CHN1: variants seen among roughly 807,000 people sequenced by gnomAD.
CHN1 encodes N-chimaerin.
CHN1 carries 37 observed loss-of-function variants against 59.5 expected under a neutral mutation model. That is an observed-to-expected ratio of 0.62 (90% CI 0.48 to 0.82). CHN1 has a LOEUF of 0.82. Ranked by LOEUF, CHN1 falls within the 40% of genes least tolerant of loss-of-function variation. CHN1 has a pLI of 0.00. For missense variants in CHN1, 469 were observed against 571.0 expected (o/e 0.82, Z 1.82); for synonymous variants, 206 against 200.4 (o/e 1.03, Z -0.24).
intron 3 of CHN1, among the ~76,000 whole-genome samples, chr2:174,938,226 A>G (rs1689554824): frequency 6.6e-6 from 1 of 152,180 alleles, no homozygotes; most frequent in Non-Finnish European, 1.5e-5. Flanking sequence ...ATGATTCTCA[A>G]TAATCTTTAG....
intron 3 of CHN1, among the ~76,000 whole-genome samples, chr2:174,927,815 A>C (rs1460719588): frequency 6.6e-6 from 1 of 152,244 alleles, no homozygotes; most frequent in Non-Finnish European, 1.5e-5. Context: ...TAGGCAGGCA[A>C]TTTAGCATTT....
chr2:174,850,495 C>T (rs1344688847), intron 6 of CHN1, among the ~76,000 whole-genome samples: 1 of 152,112 alleles, frequency 6.6e-6, no homozygotes, highest in African/African-American at 2.4e-5. Flanking sequence ...ATACCTGTCT[C>T]ACAGGTTACT....
chr2:174,915,208 ACAT>A (rs1688812440), intron 4 of CHN1, 37 bp from the exon 5 acceptor site: 1 of 1,485,832 alleles, frequency 6.7e-7, no homozygotes, highest in Admixed American at 1.9e-5. Flanking sequence ...TGTGCTTTCT[ACAT>A]TTTTCAATAA....
chr2:174,904,255 C>T (rs1043102315), intron 5 of CHN1, among the ~76,000 whole-genome samples: 2 of 150,934 alleles, frequency 1.3e-5, no homozygotes, highest in East Asian at 1.9e-4. Context: ...AGCAAAACTC[C>T]GTCTCAAAAA....
intron 11 of CHN1, chr2:174,802,157 A>C: frequency 3.9e-6 from 1 of 257,600 alleles, no homozygotes; most frequent in Non-Finnish European, 7.7e-6. Context: ...AAAAACTTAT[A>C]CATTCAAATG....
intron 11 of CHN1, 109 bp downstream of exon 11, chr2:174,808,796 G>A: frequency 8.4e-7 from 1 of 1,185,954 alleles, no homozygotes; most frequent in African/African-American, 1.5e-5. Context: ...ATAGAGAGAG[G>A]CAAAGGGGAA....
intron 6 of CHN1, among the ~76,000 whole-genome samples, chr2:174,857,611 A>G (rs1686944931): frequency 6.6e-6 from 1 of 152,204 alleles, no homozygotes; most frequent in Non-Finnish European, 1.5e-5. Context: ...TGGTTGTATA[A>G]CAACATTCTT....
At chr2:174,810,319 CTG>C (rs1369152956) in intron 10 of CHN1, among the ~76,000 whole-genome samples, 3 of 152,222 alleles carry the variant, frequency 2.0e-5, no homozygotes, top group Non-Finnish European at 4.4e-5. Flanking sequence ...AGGCCAAAGA[CTG>C]GCCCCCAGCA....
intron 6 of CHN1, among the ~76,000 whole-genome samples, chr2:174,865,816 A>G (rs1687199696): frequency 6.6e-6 from 1 of 152,226 alleles, no homozygotes; most frequent in Non-Finnish European, 1.5e-5. Flanking sequence ...TCAGAAGTAC[A>G]GAATCTTTAA....
chr2:174,801,633 T>C, intron 12 of CHN1, 74 bp downstream of exon 12: 5 of 1,054,984 alleles, frequency 4.7e-6, no homozygotes, highest in Non-Finnish European at 7.3e-6. Flanking sequence ...TTGTCCTTTC[T>C]TTCACCCTTC....
Position 174,843,187 on chromosome 2 carries a change from G to A in CHN1, c.627+3693C>T, listed in dbSNP as rs183818492. On this transcript the variant is annotated intron_variant, in intron 7 of 12. Transcript: ENST00000409900. ...TGAAAAGAGTAAAATAAATATAGAG[G>A]ATTTCACTGCATTCTGTAGTGCATG... is the stretch of plus-strand genomic sequence containing the variant. 7.6e-3 allele frequency among the ~76,000 whole-genome samples: 1,159 copies of A among 152,136 alleles called. 8 individuals carry two copies. Among genetic ancestry groups the A allele is most frequent in the Middle Eastern group, 0.01 (3 of 294 alleles).
chr2:174,935,664 G>A (rs535258217), intron 3 of CHN1, among the ~76,000 whole-genome samples: 10 of 152,196 alleles, frequency 6.6e-5, no homozygotes, highest in African/African-American at 2.4e-4. Context: ...GGTGGCTCAC[G>A]CCTGTAATCC....
intron 1 of CHN1, among the ~76,000 whole-genome samples, chr2:174,967,508 G>C (rs1447335272): frequency 6.6e-6 from 1 of 152,070 alleles, no homozygotes; most frequent in Non-Finnish European, 1.5e-5. Context: ...CAATGTTCAT[G>C]TTCCAATGTT....
At chr2:174,979,289 T>C (rs1691058044) in intron 1 of CHN1, among the ~76,000 whole-genome samples, 1 of 152,238 alleles carries the variant, frequency 6.6e-6, no homozygotes, top group Admixed American at 6.5e-5. Flanking sequence ...TAATAACTTG[T>C]TATTGGAATT....
intron 5 of CHN1, among the ~76,000 whole-genome samples, chr2:174,888,473 A>G (rs1006085926): frequency 6.6e-6 from 1 of 152,216 alleles, no homozygotes; most frequent in Admixed American, 6.5e-5. Flanking sequence ...CTCAAGGAAG[A>G]AAGGGCAATA....
At chr2:174,962,574 T>C (rs1690445792) in intron 1 of CHN1, among the ~76,000 whole-genome samples, 1 of 149,650 alleles carries the variant, frequency 6.7e-6, no homozygotes, top group African/African-American at 2.5e-5. Flanking sequence ...AGATAACCTA[T>C]GACTTAAGAA....
intron 2 of CHN1, among the ~76,000 whole-genome samples, chr2:174,946,769 A>G (rs1323049174): frequency 3.9e-5 from 6 of 152,020 alleles, no homozygotes; most frequent in Admixed American, 3.9e-4. Flanking sequence ...GTAAGAAAGA[A>G]GGATTCTTCA....
intron 1 of CHN1, among the ~76,000 whole-genome samples, chr2:174,963,316 T>C (rs1447981448): frequency 2.0e-5 from 3 of 152,200 alleles, no homozygotes; most frequent in African/African-American, 7.2e-5. Flanking sequence ...AATAGGTCTA[T>C]AGTAAGTATT....
At position 174,980,396 on chromosome 2, in the gene CHN1, C is replaced by T. The variant is rs147075145; in HGVS notation, c.19+24498G>A. Among the ~76,000 whole-genome samples, 38 of 152,248 alleles carry T rather than the reference C, an allele frequency of 2.5e-4. No homozygotes were observed. The East Asian group carries it at 6.7e-3, about 27-fold the overall frequency. On this transcript the variant is annotated intron_variant, in intron 1 of 12. Transcript: ENST00000409900. ...TGGTATATAAACACTGTATTTAGTT[C>T]CACTTCTTTGCCGCTGTGAGCTCCT...
Sources: allele counts gnomAD v4.1 joint callset (sites outside exome capture counted in the v4.1 genomes callset), GRCh38; gene constraint gnomAD v4.1.1; transcripts MANE v1.5; gene names NCBI Gene and HGNC (gene_info 2026-07-23, HGNC 2026-07-21).